The following UBE4B variants were observed in gnomAD, a reference collection of about 807,000 sequenced individuals.
The protein encoded by UBE4B is ubiquitin conjugation factor E4 B.
A neutral mutation model predicts 148.1 loss-of-function variants in UBE4B; 27 were observed. The observed-to-expected ratio is 0.18, with a 90% CI of 0.13 to 0.25. The LOEUF (loss-of-function observed/expected upper bound fraction) is 0.25. Ranked by LOEUF, UBE4B falls within the 10% of genes least tolerant of loss-of-function variation. UBE4B has a pLI of 1.00. For synonymous variants in UBE4B, 596 were observed against 619.3 expected (o/e 0.96, Z 0.56); for missense variants, 1,170 against 1,662.4 (o/e 0.70, Z 5.15).
At chr1:10,148,619 G>A (rs1409308423) in intron 19 of UBE4B, among the ~76,000 whole-genome samples, 19 of 145,840 alleles carry the variant, frequency 1.3e-4, no homozygotes, top group African/African-American at 4.9e-4. Flanking sequence ...GTGACAGGGT[G>A]AGACTCTGTC....
chr1:10,112,924 A>G (rs1166799505), intron 7 of UBE4B, among the ~76,000 whole-genome samples: 1 of 152,176 alleles, frequency 6.6e-6, no homozygotes, highest in Non-Finnish European at 1.5e-5. Flanking sequence ...GGTTGATGCT[A>G]CATTTCCTGT....
chr1:10,050,575 C>T (rs1427343179), intron 1 of UBE4B, among the ~76,000 whole-genome samples: 2 of 152,224 alleles, frequency 1.3e-5, no homozygotes, highest in Non-Finnish European at 2.9e-5. Context: ...GTAGCTCCTA[C>T]TGGGATATGA....
At chr1:10,124,650 T>C (rs1488690977) in intron 10 of UBE4B, among the ~76,000 whole-genome samples, 1 of 152,224 alleles carries the variant, frequency 6.6e-6, no homozygotes, top group Non-Finnish European at 1.5e-5. Context: ...CCTTTTTGTC[T>C]TGAAAGAGTG....
intron 5 of UBE4B, 138 bp downstream of exon 5, chr1:10,103,230 A>G (rs1645044696): frequency 1.2e-6 from 1 of 811,642 alleles, no homozygotes; most frequent in Non-Finnish European, 1.8e-6. Flanking sequence ...CTTCTTGATG[A>G]GGACACAATT....
In UBE4B at chr1:10,035,646, T is replaced by C. The variant is rs1643490319; in HGVS notation, c.24+1952T>C. Among the ~76,000 whole-genome samples, 3 of 151,086 alleles carry C rather than the reference T, an allele frequency of 2.0e-5. No individual in the cohort carries two copies. In the South Asian group the frequency reaches 6.3e-4, roughly 32 times the overall value. On this transcript the variant is annotated intron_variant, in intron 1 of 27. Coordinates refer to ENST00000343090, the MANE Select transcript of UBE4B (RefSeq NM_001105562.3). ...TGGTCTCGATTTCCTGACCTTGTGA[T>C]CTGCCCGCCTCGGCCTCCCAAAGTG...
intron 1 of UBE4B, among the ~76,000 whole-genome samples, chr1:10,039,867 G>C (rs1570760051): frequency 6.6e-6 from 1 of 152,120 alleles, no homozygotes; most frequent in South Asian, 2.1e-4. Context: ...GGAGGCTGTT[G>C]TTGCTGTATA....
rs761196320 is a variant in UBE4B, at chr1:10,072,548, T to C, written c.211+334T>C. On this transcript the variant is annotated intron_variant, in intron 2 of 27. Coordinates refer to ENST00000343090, the MANE Select transcript of UBE4B (RefSeq NM_001105562.3). The stretch of plus-strand genomic sequence containing the variant: ...TTGATGGTTTTAAGATAAAATAATC[T>C]GAAAATGCAAGATTAAAATAATGGT... 7 of 699,756 alleles carry C rather than the reference T, an allele frequency of 1.0e-5. No homozygotes were observed. The Middle Eastern group carries it at 6.9e-4, about 69-fold the overall frequency. 43.3% of individuals were successfully genotyped at this position (699,756 alleles called of 1,614,324 possible).
intron 10 of UBE4B, among the ~76,000 whole-genome samples, chr1:10,123,308 G>A (rs1438056371): frequency 6.6e-6 from 1 of 151,462 alleles, no homozygotes; most frequent in East Asian, 1.9e-4. Context: ...ACGGGTGTCT[G>A]TAATCCCAGC....
At chr1:10,179,826 G>A (rs776445273) in intron 27 of UBE4B, 69 bp from the exon 28 acceptor site, 13 of 1,583,230 alleles carry the variant, frequency 8.2e-6, no homozygotes, top group Admixed American at 5.0e-5. Flanking sequence ...TATACAGAGC[G>A]ACAAGCATCC....
chr1:10,042,371 G>A (rs1024159261), intron 1 of UBE4B, among the ~76,000 whole-genome samples: 4 of 152,112 alleles, frequency 2.6e-5, no homozygotes, highest in Non-Finnish European at 5.9e-5. Flanking sequence ...AAGCATGGCC[G>A]GGCGTGGTGG....
At chr1:10,148,649 CAAG>C (rs1221600348) in intron 19 of UBE4B, among the ~76,000 whole-genome samples, 1 of 122,674 alleles carries the variant, frequency 8.2e-6, no homozygotes, top group Non-Finnish European at 1.7e-5. Context: ...AAAAAAAAAT[CAAG>C]AAAAGGGCCA....
chr1:10,134,803 G>T (rs1645650942), intron 15 of UBE4B, among the ~76,000 whole-genome samples, 185 bp from the exon 16 acceptor site: 1 of 151,864 alleles, frequency 6.6e-6, no homozygotes, highest in Admixed American at 6.6e-5. Flanking sequence ...AAGCTGAGGT[G>T]GGCGGATCAC....
chr1:10,159,465 G>A (rs574977087), intron 22 of UBE4B, among the ~76,000 whole-genome samples: 2 of 152,354 alleles, frequency 1.3e-5, no homozygotes, highest in South Asian at 4.1e-4. Flanking sequence ...GAGGTCAGGA[G>A]ATCGAGACCA....
At chr1:10,115,826 C>T (rs558978987) in intron 7 of UBE4B, among the ~76,000 whole-genome samples, 1 of 152,272 alleles carries the variant, frequency 6.6e-6, no homozygotes, top group South Asian at 2.1e-4. Flanking sequence ...TGTTAGTGTA[C>T]TGAACACTCT....
intron 15 of UBE4B, among the ~76,000 whole-genome samples, chr1:10,133,713 C>A (rs1645632790): frequency 6.6e-6 from 1 of 151,834 alleles, no homozygotes; most frequent in Non-Finnish European, 1.5e-5. Context: ...GCATTTGAGA[C>A]CAGCCCTGGC....
At chr1:10,123,427 CAAAAAAAAAAAAA>C (rs34527607) in intron 10 of UBE4B, among the ~76,000 whole-genome samples, 161 of 35,680 alleles carry the variant, frequency 4.5e-3, no homozygotes, top group African/African-American at 0.013. Flanking sequence ...AAGACTGTCT[CAAAAAAAAAAAAA>C]AAAAAAAAAA....
At chr1:10,039,596 A>ATT (rs34204373) in intron 1 of UBE4B, among the ~76,000 whole-genome samples, 87 of 137,588 alleles carry the variant, frequency 6.3e-4, no homozygotes, top group East Asian at 1.7e-3. Context: ...TGCCCTGCTG[A>ATT]TTTTTTTTTT....
At chr1:10,090,138 T>A (rs919870885) in intron 2 of UBE4B, among the ~76,000 whole-genome samples, 5 of 151,616 alleles carry the variant, frequency 3.3e-5, no homozygotes, top group Admixed American at 1.3e-4. Context: ...TTTTTTTTTT[T>A]AGGCATGGTT....
intron 2 of UBE4B, among the ~76,000 whole-genome samples, chr1:10,077,933 T>G (rs1644611436): frequency 6.6e-6 from 1 of 152,164 alleles, no homozygotes; most frequent in Admixed American, 6.6e-5. Context: ...TGCTCTTGGC[T>G]CTCTTAGAAC....
Sources: gnomAD v4.1 joint callset for allele counts (sites outside exome capture counted in the v4.1 genomes callset) on GRCh38, gnomAD v4.1.1 for gene constraint, MANE v1.5 for transcripts, NCBI Gene and HGNC (gene_info 2026-07-23, HGNC 2026-07-21) for gene names.